NME7: variants seen among roughly 807,000 people sequenced by gnomAD.
The protein encoded by NME7 is NME/NM23 family member 7.
A neutral mutation model predicts 49.1 loss-of-function variants in NME7; 41 were observed. The observed-to-expected ratio is 0.83, with a 90% CI of 0.65 to 1.08. NME7 has a LOEUF of 1.08. NME7 is among the 50% of genes least tolerant of loss of function. The pLI, the probability that NME7 is intolerant of heterozygous loss-of-function variation, is 0.00. For synonymous variants in NME7, 139 were observed against 150.6 expected (o/e 0.92, Z 0.56); for missense variants, 423 against 463.4 (o/e 0.91, Z 0.80).
At chr1:169,312,578 T>C (rs1651439655) in intron 3 of NME7, among the ~76,000 whole-genome samples, 1 of 152,190 alleles carries the variant, frequency 6.6e-6, no homozygotes, top group South Asian at 2.1e-4. Flanking sequence ...GAAAAAACAG[T>C]ATGGCCAGCC....
At chr1:169,212,845 T>C (rs1041543420) in intron 10 of NME7, among the ~76,000 whole-genome samples, 1 of 152,090 alleles carries the variant, frequency 6.6e-6, no homozygotes, top group African/African-American at 2.4e-5. Context: ...CACAAGTTGG[T>C]CTCAAACTCC....
chr1:169,237,806 C>A, intron 7 of NME7, 119 bp from the exon 8 acceptor site: 2 of 651,968 alleles, frequency 3.1e-6, no homozygotes, highest in South Asian at 2.0e-5. Context: ...TAAAAAAACA[C>A]ATATTTTGCA....
At chr1:169,244,934 G>C (rs976187233) in intron 7 of NME7, among the ~76,000 whole-genome samples, 9 of 152,068 alleles carry the variant, frequency 5.9e-5, no homozygotes, top group Non-Finnish European at 1.2e-4. Context: ...TTCAAGCCCA[G>C]CCTGGCCAAC....
chr1:169,245,366 T>A (rs1324429064), intron 7 of NME7, among the ~76,000 whole-genome samples: 1 of 152,032 alleles, frequency 6.6e-6, no homozygotes, highest in African/African-American at 2.4e-5. Flanking sequence ...GCAAAACAAC[T>A]TACAAAACTG....
intron 11 of NME7, among the ~76,000 whole-genome samples, chr1:169,149,587 G>C (rs1386824256): frequency 6.6e-6 from 1 of 152,122 alleles, no homozygotes; most frequent in Non-Finnish European, 1.5e-5. Flanking sequence ...ATTATGCACA[G>C]TTAAGGGATC....
intron 1 of NME7, among the ~76,000 whole-genome samples, chr1:169,331,741 C>T (rs1398050497): frequency 6.6e-6 from 1 of 150,722 alleles, no homozygotes; most frequent in East Asian, 1.9e-4. Flanking sequence ...AATAAAATAC[C>T]TAAGAATTAA....
chr1:169,165,992 A>ATTC (rs1465432674), intron 11 of NME7, among the ~76,000 whole-genome samples: 4 of 152,244 alleles, frequency 2.6e-5, no homozygotes, highest in Non-Finnish European at 5.9e-5. Context: ...ATCTCCAGTG[A>ATTC]AGTTAGATCA....
intron 7 of NME7, among the ~76,000 whole-genome samples, chr1:169,251,011 A>G (rs924706382): frequency 2.6e-5 from 4 of 151,954 alleles, no homozygotes; most frequent in Admixed American, 2.6e-4. Flanking sequence ...AGTGCACTTT[A>G]GGTCCATTAT....
chr1:169,208,682 C>T (rs1660738874), intron 10 of NME7, among the ~76,000 whole-genome samples: 1 of 152,062 alleles, frequency 6.6e-6, no homozygotes, highest in African/African-American at 2.4e-5. Flanking sequence ...ATTTCATTTG[C>T]ATTCTGTGTA....
At chr1:169,276,351 G>C (rs2101880903) in intron 7 of NME7, among the ~76,000 whole-genome samples, 1 of 133,200 alleles carries the variant, frequency 7.5e-6, no homozygotes, top group South Asian at 2.3e-4. Flanking sequence ...ATTGATTATT[G>C]CTACAATTTC....
At position 169,261,369 on chromosome 1, in the gene NME7, T is replaced by C. The variant is rs1021616094; in HGVS notation, c.755-23682A>G. Among the ~76,000 whole-genome samples, 6 of 133,892 alleles carry C rather than the reference T, an allele frequency of 4.5e-5. 2 individuals are homozygous for C. Among genetic ancestry groups the C allele is most frequent in the Non-Finnish European group, 1.1e-4 (6 of 56,902 alleles). 87.8% of individuals were successfully genotyped at this position (133,892 alleles called of 152,430 possible). A position where few individuals can be genotyped will look rare whatever the true frequency, so the allele number is the denominator to read the frequency against. On this transcript the variant is annotated intron_variant, in intron 7 of 11. Transcript: ENST00000367811. ...TAGAGAAAGATCAATCTAAGCACTG[T>C]CTAGCAACAGATCAAGATTTACCGT...
intron 1 of NME7, among the ~76,000 whole-genome samples, chr1:169,325,169 A>G (rs1652014355): frequency 6.6e-6 from 1 of 152,160 alleles, no homozygotes; most frequent in Admixed American, 6.6e-5. Context: ...GAAGTTTGAC[A>G]CAGAGTGGTG....
chr1:169,250,239 A>C lies in NME7; in HGVS notation c.755-12552T>G, dbSNP rs548714294. Among the ~76,000 whole-genome samples the C allele has an allele frequency of 1.7e-3, 252 of 151,936 alleles. 1 individual carries two copies. Among genetic ancestry groups the C allele is most frequent in the Non-Finnish European group, 2.1e-3 (144 of 67,930 alleles). ...TTCCTGGAATTTATCCATTTCCTCT[A>C]GATTTTTTAGTTTGTGTGCATAGAG... is the stretch of plus-strand genomic sequence containing the variant. On this transcript the variant is annotated intron_variant, in intron 7 of 11. Coordinates refer to ENST00000367811, the MANE Select transcript of NME7 (RefSeq NM_013330.5).
At chr1:169,235,754 T>C (rs913343747) in intron 8 of NME7, among the ~76,000 whole-genome samples, 1 of 152,120 alleles carries the variant, frequency 6.6e-6, no homozygotes, top group African/African-American at 2.4e-5. Context: ...GAAAAATCCC[T>C]AGTTAGTCTG....
At chr1:169,274,431 A>C in intron 7 of NME7, among the ~76,000 whole-genome samples, 1 of 132,596 alleles carries the variant, frequency 7.5e-6, no homozygotes, top group Non-Finnish European at 1.8e-5. Flanking sequence ...GTTCACTCTG[A>C]TGGTAGTTTC....
intron 11 of NME7, among the ~76,000 whole-genome samples, chr1:169,134,211 A>G (rs1043001596): frequency 3.9e-5 from 6 of 152,228 alleles, no homozygotes; most frequent in Admixed American, 1.3e-4. Flanking sequence ...TCAGTGAACA[A>G]AACAGACAAA....
chr1:169,170,326 C>A (rs1659547364), intron 10 of NME7, among the ~76,000 whole-genome samples: 1 of 152,116 alleles, frequency 6.6e-6, no homozygotes, highest in African/African-American at 2.4e-5. Flanking sequence ...AGTGGGTCAC[C>A]TCTATGAAAG....
intron 1 of NME7, among the ~76,000 whole-genome samples, chr1:169,364,869 A>G (rs538493387): frequency 6.6e-6 from 1 of 152,306 alleles, no homozygotes; most frequent in East Asian, 1.9e-4. Context: ...GGGACCTAAA[A>G]TCTGCTAAAA....
chr1:169,162,216 C>T (rs183049392), intron 11 of NME7, among the ~76,000 whole-genome samples: 71 of 152,218 alleles, frequency 4.7e-4, no homozygotes, highest in African/African-American at 1.5e-3. Context: ...CTTATGTGGG[C>T]GGCCTCTTGT....
Sources: allele counts gnomAD v4.1 joint callset (sites outside exome capture counted in the v4.1 genomes callset), GRCh38; gene constraint gnomAD v4.1.1; transcripts MANE v1.5; gene names NCBI Gene and HGNC (gene_info 2026-07-23, HGNC 2026-07-21).